Variants in RASGRF2 observed in about 807,000 individuals in gnomAD.
The protein encoded by RASGRF2 is ras-specific guanine nucleotide-releasing factor 2.
Under a neutral mutation model 151.0 loss-of-function variants are expected in RASGRF2, and 76 were observed. The observed-to-expected ratio is 0.50, with a 90% CI of 0.42 to 0.61. The LOEUF (loss-of-function observed/expected upper bound fraction) is 0.61. Ranked by LOEUF, RASGRF2 falls within the 20% of genes least tolerant of loss-of-function variation. The pLI, the probability that RASGRF2 is intolerant of heterozygous loss-of-function variation, is 0.00. For missense variants in RASGRF2, 1,148 were observed against 1,564.6 expected (o/e 0.73, Z 4.49); for synonymous variants, 504 against 566.5 (o/e 0.89, Z 1.57).
chr5:81,034,289 A>T (rs1422393047), intron 1 of RASGRF2, among the ~76,000 whole-genome samples: 6 of 152,286 alleles, frequency 3.9e-5, no homozygotes, highest in Admixed American at 2.6e-4. Flanking sequence ...CATTAAAAAG[A>T]CAGGAAACAA....
At chr5:81,204,918 G>A (rs1755472475) in intron 19 of RASGRF2, among the ~76,000 whole-genome samples, 1 of 152,192 alleles carries the variant, frequency 6.6e-6, no homozygotes, top group African/African-American at 2.4e-5. Flanking sequence ...CCAAGGGAAA[G>A]ATATTACCCA....
intron 2 of RASGRF2, among the ~76,000 whole-genome samples, chr5:81,065,147 C>T (rs1751563271): frequency 1.3e-5 from 2 of 152,158 alleles, no homozygotes; most frequent in Admixed American, 1.3e-4. Context: ...AGCCTCGTGA[C>T]ATCCTGACCT....
Position 81,226,748 on chromosome 5 carries a change from A to G in RASGRF2, c.*978A>G, listed in dbSNP as rs772683757. 14 of 152,306 alleles carry G rather than the reference A, an allele frequency of 9.2e-5. No individual in the cohort carries two copies. Among genetic ancestry groups the G allele is most frequent in the South Asian group, 4.1e-4 (2 of 4,832 alleles). 9.4% of individuals were successfully genotyped at this position (152,306 alleles called of 1,614,324 possible). A position where few individuals can be genotyped will look rare whatever the true frequency, so the allele number is the denominator to read the frequency against. ...ACACAGACCTTTTTTTAGGCTTACTATGAACATTGGCTGTATTTTTTTTAA... is the reference window on the plus strand; with the variant it reads ...ACACAGACCTTTTTTTAGGCTTACTGTGAACATTGGCTGTATTTTTTTTAA... On this transcript the variant is annotated 3_prime_UTR_variant, in exon 27 of 27. Coordinates refer to ENST00000265080, the MANE Select transcript of RASGRF2 (RefSeq NM_006909.3).
chr5:81,157,289 G>A (rs1470015382), intron 17 of RASGRF2, among the ~76,000 whole-genome samples: 1 of 151,316 alleles, frequency 6.6e-6, no homozygotes, highest in African/African-American at 2.4e-5. Flanking sequence ...CAGGAGGCGG[G>A]AGGTTGCAGT....
chr5:81,194,220 G>A (rs914143639), intron 18 of RASGRF2, among the ~76,000 whole-genome samples: 3 of 151,472 alleles, frequency 2.0e-5, no homozygotes, highest in Admixed American at 6.6e-5. Context: ...GCTGGGCATG[G>A]TAGCATGTGC....
chr5:81,087,870 T>G (rs1350567425), intron 9 of RASGRF2: 1 of 156,844 alleles, frequency 6.4e-6, no homozygotes, highest in African/African-American at 2.4e-5. Flanking sequence ...TTGCCTACCA[T>G]AATGTACTGC....
intron 2 of RASGRF2, among the ~76,000 whole-genome samples, chr5:81,062,680 A>G (rs1751481216): frequency 6.6e-6 from 1 of 152,246 alleles, no homozygotes; most frequent in Non-Finnish European, 1.5e-5. Context: ...TTGGTCCCAC[A>G]GAGAATGAAA....
At chr5:80,995,718 AGTCTCC>A (rs1748833691) in intron 1 of RASGRF2, among the ~76,000 whole-genome samples, 1 of 92,580 alleles carries the variant, frequency 1.1e-5, no homozygotes, top group African/African-American at 4.2e-5. Context: ...TTTGAGATGG[AGTCTCC>A]GTCTGTCGCC....
chr5:81,028,815 G>A (rs969281622), intron 1 of RASGRF2, among the ~76,000 whole-genome samples: 24 of 152,212 alleles, frequency 1.6e-4, no homozygotes, highest in African/African-American at 5.8e-4. Flanking sequence ...GACAGTGGGT[G>A]CAGCCCATGG....
intron 1 of RASGRF2, among the ~76,000 whole-genome samples, chr5:81,028,208 T>G (rs764242037): frequency 6.6e-6 from 1 of 151,922 alleles, no homozygotes; most frequent in Non-Finnish European, 1.5e-5. Context: ...TGCAAACAAT[T>G]AGGAAATAAA....
intron 2 of RASGRF2, among the ~76,000 whole-genome samples, chr5:81,056,887 CT>C (rs1241086960): frequency 1.7e-4 from 26 of 152,054 alleles, no homozygotes; most frequent in African/African-American, 6.0e-4. Flanking sequence ...ATGTAATGGC[CT>C]TCTTTGTCTC....
chr5:81,003,878 T>C (rs1338474441), intron 1 of RASGRF2, among the ~76,000 whole-genome samples: 1 of 152,194 alleles, frequency 6.6e-6, no homozygotes, highest in African/African-American at 2.4e-5. Context: ...CAAACCATGG[T>C]GAGCTGAGCC....
At chr5:81,155,535 A>C (rs4596358) in intron 17 of RASGRF2, among the ~76,000 whole-genome samples, 30,600 of 152,142 alleles carry the variant, frequency 0.2, 3,198 homozygotes, top group East Asian at 0.36. Flanking sequence ...AACCCTACAG[A>C]AATTAAAATA....
At chr5:81,127,301 A>T in intron 17 of RASGRF2, 138 bp downstream of exon 17, 1 of 843,702 alleles carries the variant, frequency 1.2e-6, no homozygotes, top group Non-Finnish European at 1.8e-6. Context: ...AAGCAGAAGG[A>T]TTGCTTGAGA....
At chr5:81,037,976 TATC>T (rs1750556892) in intron 1 of RASGRF2, among the ~76,000 whole-genome samples, 1 of 152,240 alleles carries the variant, frequency 6.6e-6, no homozygotes, top group Non-Finnish European at 1.5e-5. Flanking sequence ...ATGGAAATGA[TATC>T]ATACTGTATA....
intron 1 of RASGRF2, among the ~76,000 whole-genome samples, chr5:81,000,806 C>G (rs968972234): frequency 2.6e-5 from 4 of 152,180 alleles, no homozygotes; most frequent in African/African-American, 7.2e-5. Flanking sequence ...AAGAAAGGCT[C>G]TGTTCAATCT....
intron 1 of RASGRF2, among the ~76,000 whole-genome samples, chr5:81,040,256 G>T (rs955157250): frequency 6.6e-6 from 1 of 152,122 alleles, no homozygotes; most frequent in African/African-American, 2.4e-5. Flanking sequence ...CGATCCTCCT[G>T]TCTCAGCCTC....
intron 15 of RASGRF2, among the ~76,000 whole-genome samples, chr5:81,121,661 T>C (rs768803307): frequency 4.6e-5 from 7 of 152,198 alleles, no homozygotes; most frequent in Non-Finnish European, 5.9e-5. Flanking sequence ...CATTCACTAA[T>C]ACCCTCTCTT....
chr5:81,170,605 CTCTG>C (rs1754637356), intron 17 of RASGRF2, among the ~76,000 whole-genome samples: 1 of 152,262 alleles, frequency 6.6e-6, no homozygotes, highest in East Asian at 1.9e-4. Flanking sequence ...CTCCACATGA[CTCTG>C]TCTTTCTCTT....
Sources: allele counts gnomAD v4.1 joint callset (sites outside exome capture counted in the v4.1 genomes callset), GRCh38; gene constraint gnomAD v4.1.1; transcripts MANE v1.5; gene names NCBI Gene and HGNC (gene_info 2026-07-23, HGNC 2026-07-21).